The following SLCO6A1 variants were observed in gnomAD, a reference collection of about 807,000 sequenced individuals.
The protein encoded by SLCO6A1 is solute carrier organic anion transporter family member 6A1.
SLCO6A1 carries 65 observed loss-of-function variants against 72.7 expected under a neutral mutation model. The observed-to-expected ratio is 0.89, with a 90% CI of 0.73 to 1.10. The LOEUF is 1.10. Ranked by LOEUF, SLCO6A1 falls within the 50% of genes least tolerant of loss-of-function variation. The pLI, the probability that SLCO6A1 is intolerant of heterozygous loss-of-function variation, is 0.00. For synonymous variants in SLCO6A1, 314 were observed against 298.2 expected (o/e 1.05, Z -0.55); for missense variants, 874 against 872.6 (o/e 1.00, Z -0.02).
chr5:102,415,359 C>A (rs997780945), intron 8 of SLCO6A1, among the ~76,000 whole-genome samples: 1 of 152,004 alleles, frequency 6.6e-6, no homozygotes, highest in Non-Finnish European at 1.5e-5. Flanking sequence ...TAAAAATAGA[C>A]CCATATATCA....
At chr5:102,477,192 G>A (rs549213803) in intron 3 of SLCO6A1, among the ~76,000 whole-genome samples, 1 of 152,036 alleles carries the variant, frequency 6.6e-6, no homozygotes, top group African/African-American at 2.4e-5. Flanking sequence ...TACGATCTTG[G>A]CTCGCTGCAA....
intron 10 of SLCO6A1, among the ~76,000 whole-genome samples, chr5:102,396,983 A>G (rs1379708150): frequency 1.3e-5 from 2 of 152,142 alleles, no homozygotes; most frequent in African/African-American, 4.8e-5. Context: ...CCTCTCAAAT[A>G]CAGCAGTCAG....
chr5:102,492,694 T>A (rs1752737056), intron 1 of SLCO6A1, among the ~76,000 whole-genome samples: 1 of 152,164 alleles, frequency 6.6e-6, no homozygotes, highest in Admixed American at 6.5e-5. Flanking sequence ...ACCCTAATAC[T>A]GCGCTTTTCC....
At chr5:102,405,499 T>C (rs1561434036) in intron 9 of SLCO6A1, among the ~76,000 whole-genome samples, 1 of 152,118 alleles carries the variant, frequency 6.6e-6, no homozygotes, top group African/African-American at 2.4e-5. Flanking sequence ...TCAGAAACCA[T>C]GGATGCTGGA....
At chr5:102,498,001 A>C (rs1460377179) in intron 1 of SLCO6A1, among the ~76,000 whole-genome samples, 1 of 152,066 alleles carries the variant, frequency 6.6e-6, no homozygotes, top group African/African-American at 2.4e-5. Flanking sequence ...CACCCAGACA[A>C]GTAATCTGGG....
chr5:102,404,932 A>G (rs1747593171), intron 9 of SLCO6A1, among the ~76,000 whole-genome samples: 1 of 152,206 alleles, frequency 6.6e-6, no homozygotes, highest in Admixed American at 6.5e-5. Flanking sequence ...AATTCAAAAC[A>G]TATGAAAAAT....
chr5:102,427,864 A>ATATTTTTTTT (rs1409007399), intron 7 of SLCO6A1, among the ~76,000 whole-genome samples: 1 of 76,264 alleles, frequency 1.3e-5, no homozygotes, highest in Non-Finnish European at 2.4e-5. Context: ...ATATATATAT[A>ATATTTTTTTT]TTTTTTTTTT....
chr5:102,476,300 C>A (rs1751897400), intron 3 of SLCO6A1, among the ~76,000 whole-genome samples: 3 of 152,044 alleles, frequency 2.0e-5, no homozygotes, highest in Admixed American at 2.0e-4. Flanking sequence ...TTGGCTCATA[C>A]AAAATACAAT....
chr5:102,406,491 A>G (rs761920047), intron 9 of SLCO6A1, among the ~76,000 whole-genome samples: 4 of 151,680 alleles, frequency 2.6e-5, no homozygotes, highest in Non-Finnish European at 4.4e-5. Context: ...AGACAATTAT[A>G]CAATTATATT....
Position 102,483,578 on chromosome 5 carries a change from T to C in SLCO6A1, c.359-3144A>G, listed in dbSNP as rs1752313275. 2.6e-5 allele frequency among the ~76,000 whole-genome samples: 4 copies of C among 152,200 alleles called. No individual in the cohort carries two copies. In the South Asian group the frequency reaches 6.2e-4, roughly 24 times the overall value. On this transcript the variant is annotated intron_variant, in intron 1 of 13. Transcript: ENST00000506729. ...GTATATAGAATATTTTCTCATAGGA[T>C]AGATTTTATGTTAATCATTCTGGGA...
intron 9 of SLCO6A1, among the ~76,000 whole-genome samples, chr5:102,411,852 A>G (rs561081902): frequency 6.6e-6 from 1 of 152,320 alleles, no homozygotes; most frequent in Admixed American, 6.5e-5. Context: ...GCATCTGTAA[A>G]GAATCTCTAT....
At chr5:102,474,880 G>T (rs1751815759) in intron 4 of SLCO6A1, among the ~76,000 whole-genome samples, 1 of 151,842 alleles carries the variant, frequency 6.6e-6, no homozygotes, top group Non-Finnish European at 1.5e-5. Context: ...GATCCATTAG[G>T]ATGGTCACTA....
At chr5:102,461,962 T>C (rs568386775) in intron 4 of SLCO6A1, among the ~76,000 whole-genome samples, 2 of 152,216 alleles carry the variant, frequency 1.3e-5, no homozygotes, top group East Asian at 3.9e-4. Context: ...GATATGATTA[T>C]ATAGCTAGAA....
rs778366699 is a variant in SLCO6A1, at chr5:102,475,701, T to C, written c.895A>G (p.Thr299Ala). ...VKVPENTTSA[T>A]NTTVNNGSPE... Reference sequence around the variant, plus strand: ...AAAGAAAAAATAATGCCTTACTTTGTTGCAGAAGTAGTATTCTCAGGGACT... The same window carrying C: ...AAAGAAAAAATAATGCCTTACTTTGCTGCAGAAGTAGTATTCTCAGGGACT... Residue 299 changes from threonine to alanine, a missense_variant, in exon 4 of 14, where the codon ACA becomes GCA. By Grantham distance (58) the Thr-to-Ala change is moderately conservative (BLOSUM62 0). Transcript: ENST00000506729. The C allele has an allele frequency of 3.8e-6, 6 of 1,592,538 alleles. No individual in the cohort carries two copies. The East Asian group carries it at 1.1e-4, about 30-fold the overall frequency.
intron 7 of SLCO6A1, among the ~76,000 whole-genome samples, chr5:102,437,968 T>C (rs547803264): frequency 5.3e-5 from 8 of 152,238 alleles, no homozygotes; most frequent in Admixed American, 3.9e-4. Context: ...CAATTCTCAA[T>C]ATCTCATAAA....
chr5:102,491,193 A>G (rs943666385), intron 1 of SLCO6A1, among the ~76,000 whole-genome samples: 7 of 152,208 alleles, frequency 4.6e-5, no homozygotes, highest in Admixed American at 1.3e-4. Flanking sequence ...ACCCTGAGCT[A>G]GACCCAGGGT....
At chr5:102,394,139 C>A (rs951915724) in intron 10 of SLCO6A1, among the ~76,000 whole-genome samples, 1 of 152,116 alleles carries the variant, frequency 6.6e-6, no homozygotes, top group African/African-American at 2.4e-5. Context: ...ATTTTGATCC[C>A]TTTAGTCCTT....
intron 4 of SLCO6A1, among the ~76,000 whole-genome samples, chr5:102,462,313 A>G (rs1475586536): frequency 6.6e-6 from 1 of 152,192 alleles, no homozygotes; most frequent in Non-Finnish European, 1.5e-5. Flanking sequence ...CATACTGCCA[A>G]AAGCAATCTA....
chr5:102,390,458 A>C (rs1039365674), intron 11 of SLCO6A1, among the ~76,000 whole-genome samples: 12 of 152,186 alleles, frequency 7.9e-5, no homozygotes, highest in Non-Finnish European at 1.6e-4. Context: ...AATTTAGTAA[A>C]TCAGAGGTTC....
Sources: allele counts gnomAD v4.1 joint callset (sites outside exome capture counted in the v4.1 genomes callset), GRCh38; gene constraint gnomAD v4.1.1; transcripts MANE v1.5; gene names NCBI Gene and HGNC (gene_info 2026-07-23, HGNC 2026-07-21).